OSBPL3: variants seen among roughly 807,000 people sequenced by gnomAD.
OSBPL3 encodes oxysterol-binding protein-related protein 3.
Under a neutral mutation model 120.1 loss-of-function variants are expected in OSBPL3, and 65 were observed. The ratio of observed to expected loss-of-function variants is 0.54; its 90% CI spans 0.44 to 0.67. The LOEUF (loss-of-function observed/expected upper bound fraction) is 0.67, where lower values mean the gene tolerates loss of function less well. Ranked by LOEUF, OSBPL3 falls within the 30% of genes least tolerant of loss-of-function variation. OSBPL3 has a pLI of 0.00. For missense variants in OSBPL3, 1,004 were observed against 1,082.1 expected (o/e 0.93, Z 1.01); for synonymous variants, 416 against 402.6 (o/e 1.03, Z -0.40).
intron 14 of OSBPL3, among the ~76,000 whole-genome samples, chr7:24,839,532 C>T (rs188367911): frequency 6.6e-6 from 1 of 152,280 alleles, no homozygotes; most frequent in East Asian, 1.9e-4. Flanking sequence ...CCATTTGTTA[C>T]TTTCAAATGT....
rs1234871695 is a variant in OSBPL3, at chr7:24,873,452, T to C, written c.97-1383A>G. 6.6e-6 allele frequency among the ~76,000 whole-genome samples: 1 copy of C among 152,222 alleles called. No homozygotes were observed. The highest frequency in any genetic ancestry group is 1.5e-5 in the Non-Finnish European group (1 of 68,036). The stretch of plus-strand genomic sequence containing the variant: ...GGGTCTGCCTTCTATCTGATGGCAC[T>C]TTACCATGAATCCAATTAAAGGTAC... On this transcript the variant is annotated intron_variant, in intron 2 of 22. Transcript: ENST00000313367. The surrounding 1 kb of genome is among the most constrained non-coding windows in gnomAD (Gnocchi z 4.1).
intron 10 of OSBPL3, among the ~76,000 whole-genome samples, chr7:24,859,828 C>T (rs1800280968): frequency 6.6e-6 from 1 of 152,164 alleles, no homozygotes; most frequent in Non-Finnish European, 1.5e-5. Flanking sequence ...AAGTAGCTCT[C>T]ATTATTATTA....
intron 1 of OSBPL3, among the ~76,000 whole-genome samples, chr7:24,945,474 C>T (rs974338803): frequency 5.3e-5 from 8 of 152,186 alleles, no homozygotes; most frequent in African/African-American, 1.4e-4. Flanking sequence ...TCTCATCTAG[C>T]ACCTAGAACA....
rs1584724469 is a variant in OSBPL3, at chr7:24,954,363, A to G, written c.-150+25523T>C. ...AGTCCCAAGGTAAGGTATCAGACCA[A>G]AATAGCTTTAAAAGTTCTATATAAT... On this transcript the variant is annotated intron_variant, in intron 1 of 22. Coordinates refer to ENST00000313367, the MANE Select transcript of OSBPL3 (RefSeq NM_015550.4). 1.2e-4 allele frequency among the ~76,000 whole-genome samples: 18 copies of G among 152,216 alleles called. 1 individual carries two copies. In the South Asian group the frequency reaches 3.7e-3, roughly 32 times the overall value.
At chr7:24,801,484 C>T (rs1792351200) in intron 22 of OSBPL3, among the ~76,000 whole-genome samples, 2 of 152,118 alleles carry the variant, frequency 1.3e-5, no homozygotes, top group South Asian at 4.1e-4. Context: ...TGTGTGTGAA[C>T]ACACACTCTA....
Position 24,933,434 on chromosome 7 carries a change from A to G in OSBPL3, c.-149-40813T>C, listed in dbSNP as rs951193632. ...TGAATAATTTCATGGACATAACAAT[A>G]TGTTAAGTTTATGAATATTTAAAAA... On this transcript the variant is annotated intron_variant, in intron 1 of 22. Transcript: ENST00000313367. The surrounding 1 kb of genome is among the most constrained non-coding windows in gnomAD (Gnocchi z 5.1). Among the ~76,000 whole-genome samples the G allele has an allele frequency of 1.3e-5, 2 of 152,348 alleles. No individual in the cohort carries two copies. The highest frequency in any genetic ancestry group is 2.9e-5 in the Non-Finnish European group (2 of 68,028).
chr7:24,828,943 C>T (rs940761131), intron 16 of OSBPL3, among the ~76,000 whole-genome samples: 1 of 152,146 alleles, frequency 6.6e-6, no homozygotes, highest in Non-Finnish European at 1.5e-5. Context: ...GAACTAAATG[C>T]TGAGTTATGT....
In OSBPL3 at chr7:24,938,785, G is replaced by GTGTC. The variant is rs1554411353; in HGVS notation, c.-150+41100_-150+41101insGACA. Among the ~76,000 whole-genome samples, 10,934 of 100,160 alleles carry GTGTC rather than the reference G, an allele frequency of 0.11. 677 individuals carry two copies. Among genetic ancestry groups the GTGTC allele is most frequent in the South Asian group, 0.17 (499 of 2,912 alleles). The allele number at this position is 100,160 out of a possible 152,430, so 65.7% of individuals were successfully genotyped here. A position where few individuals can be genotyped will look rare whatever the true frequency, so the allele number is the denominator to read the frequency against. On this transcript the variant is annotated intron_variant, in intron 1 of 22. Coordinates refer to ENST00000313367, the MANE Select transcript of OSBPL3 (RefSeq NM_015550.4). The surrounding 1 kb of genome is among the most constrained non-coding windows in gnomAD (Gnocchi z 5.8). The stretch of plus-strand genomic sequence containing the variant: ...ATAATGAGGTTTTGTTTTGATGTGT[G>GTGTC]TGTGTGTGTGTGTGTGTGTGTGTGT...
chr7:24,893,332 T>C (rs1805640123), intron 1 of OSBPL3, among the ~76,000 whole-genome samples: 1 of 152,184 alleles, frequency 6.6e-6, no homozygotes, highest in Admixed American at 6.5e-5. Flanking sequence ...ATAACATCAA[T>C]GAACCTTGAC....
chr7:24,882,673 G>A (rs1803880935), intron 2 of OSBPL3, among the ~76,000 whole-genome samples: 1 of 152,182 alleles, frequency 6.6e-6, no homozygotes. Context: ...TTCTGATGAG[G>A]CTGTACTAAT....
chr7:24,827,444 C>T lies in OSBPL3; in HGVS notation c.1884+3324G>A, dbSNP rs1402941040. 1.3e-5 allele frequency among the ~76,000 whole-genome samples: 2 copies of T among 152,232 alleles called. No homozygotes were observed. The highest frequency in any genetic ancestry group is 1.3e-4 in the Admixed American group (2 of 15,288). On this transcript the variant is annotated intron_variant, in intron 16 of 22. Transcript: ENST00000313367. This position sits in a 1 kb window ranked among gnomAD's most constrained non-coding sequence, Gnocchi z 5.1. The stretch of plus-strand genomic sequence containing the variant: ...GGGAGGCCCTGGCCCTACACCCTTC[C>T]CACTTCTAGGGCAGAGGACTGCCTG...
At chr7:24,844,483 T>C (rs1196527334) in intron 12 of OSBPL3, among the ~76,000 whole-genome samples, 2 of 152,140 alleles carry the variant, frequency 1.3e-5, no homozygotes, top group African/African-American at 4.8e-5. Context: ...GCCAAAAGAT[T>C]GGAAACCCCT....
rs1243023288 is a variant in OSBPL3 at position 24,802,947 on chromosome 7, T to A, written c.2567+1368A>T. On this transcript the variant is annotated intron_variant, in intron 22 of 22. Transcript: ENST00000313367. This position sits in a 1 kb window ranked among gnomAD's most constrained non-coding sequence, Gnocchi z 4.1. The stretch of plus-strand genomic sequence containing the variant: ...TAAATGAAGCTTGAATATTTCAGGA[T>A]GAAATTTTGGCCAGTTGATTTTCCA... Among the ~76,000 whole-genome samples, 1 of 152,090 alleles carries A rather than the reference T, an allele frequency of 6.6e-6. No homozygotes were observed. Among genetic ancestry groups the A allele is most frequent in the East Asian group, 1.9e-4 (1 of 5,192 alleles).
At chr7:24,842,178 T>G (rs1797861557) in intron 13 of OSBPL3, 101 bp downstream of exon 13, 4 of 1,236,872 alleles carry the variant, frequency 3.2e-6, no homozygotes, top group Non-Finnish European at 4.6e-6. Context: ...AAAGGGCAAC[T>G]GAGTTTAGTG....
rs568223679 is a variant in OSBPL3 at position 24,871,135 on chromosome 7, G to T, written c.268-290C>A. 6.6e-6 allele frequency among the ~76,000 whole-genome samples: 1 copy of T among 152,226 alleles called. No individual in the cohort carries two copies. The highest frequency in any genetic ancestry group is 2.4e-5 in the African/African-American group (1 of 41,456). On this transcript the variant is annotated intron_variant, in intron 4 of 22. Coordinates refer to ENST00000313367, the MANE Select transcript of OSBPL3 (RefSeq NM_015550.4). This position sits in a 1 kb window ranked among gnomAD's most constrained non-coding sequence, Gnocchi z 4.8. The stretch of plus-strand genomic sequence containing the variant: ...GTGAGGAAACAAAAGAGTAAGCACC[G>T]TGGGTTGACTCCCATGGCAGTGAAT...
At chr7:24,957,643 C>T (rs1363483445) in intron 1 of OSBPL3, among the ~76,000 whole-genome samples, 1 of 152,096 alleles carries the variant, frequency 6.6e-6, no homozygotes, top group Non-Finnish European at 1.5e-5. Context: ...AATTATTTTG[C>T]TTAAATTCCT....
intron 10 of OSBPL3, among the ~76,000 whole-genome samples, chr7:24,859,288 C>G (rs1800209398): frequency 6.6e-6 from 1 of 152,110 alleles, no homozygotes. Context: ...CCATATTACA[C>G]ACTGCCCTCC....
chr7:24,904,042 C>G (rs1374762801), intron 1 of OSBPL3, among the ~76,000 whole-genome samples: 1 of 152,112 alleles, frequency 6.6e-6, no homozygotes, highest in African/African-American at 2.4e-5. Flanking sequence ...GCCACCACAG[C>G]TGGCTGATTT....
In OSBPL3 at chr7:24,979,986, C is replaced by CCCCGCAACGTGCAGCTGACAGCT; in HGVS notation, c.-273_-251dup. The CCCCGCAACGTGCAGCTGACAGCT allele has an allele frequency of 1.0e-6, 1 of 985,368 alleles. No homozygotes were observed. The highest frequency in any genetic ancestry group is 1.2e-6 in the Non-Finnish European group (1 of 829,972). The allele number at this position is 985,368 out of a possible 1,614,324, so 61.0% of individuals were successfully genotyped here. A position where few individuals can be genotyped will look rare whatever the true frequency, so the allele number is the denominator to read the frequency against. ...AAGGCAACCCCGGCTTCTCCGGTAC[C>CCCCGCAACGTGCAGCTGACAGCT]CCCGCAACGTGCAGCTGACAGCTCC... On this transcript the variant is annotated 5_prime_UTR_variant, in exon 1 of 23. Transcript: ENST00000313367.
Sources: allele counts gnomAD v4.1 joint callset (sites outside exome capture counted in the v4.1 genomes callset), GRCh38; gene constraint gnomAD v4.1.1; non-coding constraint Gnocchi (gnomAD v3.1); transcripts MANE v1.5; gene names NCBI Gene and HGNC (gene_info 2026-07-23, HGNC 2026-07-21).